Variants in RPS6KA2 observed in about 807,000 individuals in gnomAD.
RPS6KA2 encodes ribosomal protein S6 kinase alpha-2.
In RPS6KA2, 42 loss-of-function variants were observed where a neutral mutation model predicts 91.8. That is an observed-to-expected ratio of 0.46 (90% CI 0.36 to 0.59). The LOEUF is 0.59. Ranked by LOEUF, RPS6KA2 falls within the 20% of genes least tolerant of loss-of-function variation. The pLI is 0.00. For synonymous variants in RPS6KA2, 414 were observed against 393.6 expected, an observed-to-expected ratio of 1.05 and a Z score of -0.61; for missense variants, 798 against 978.5, an observed-to-expected ratio of 0.82 and a Z score of 2.46.
At chr6:166,710,127 T>A (rs1789799778) in intron 2 of RPS6KA2, among the ~76,000 whole-genome samples, 1 of 152,224 alleles carries the variant, frequency 6.6e-6, no homozygotes, top group Non-Finnish European at 1.5e-5. Flanking sequence ...ACAAATCTCA[T>A]AGTTTACCTT....
At chr6:166,704,318 A>G (rs1789615609) in intron 2 of RPS6KA2, among the ~76,000 whole-genome samples, 1 of 152,198 alleles carries the variant, frequency 6.6e-6, no homozygotes, top group Non-Finnish European at 1.5e-5. Context: ...CCACCCACAC[A>G]CCTGGCCCAA....
Position 166,614,073 on chromosome 6 carries a change from CCA to C in RPS6KA2, c.99+12846_99+12847del, listed in dbSNP as rs1358498508. On this transcript the variant is annotated intron_variant, in intron 1 of 20. Transcript: ENST00000265678. Reference sequence around the variant, plus strand: ...CCACATCTCCCCCAGAAACTCTGCCCCACACCCTCTAGGGGCCAATCACCTCT... The same window carrying C: ...CCACATCTCCCCCAGAAACTCTGCCCCACCCTCTAGGGGCCAATCACCTCT... Among the ~76,000 whole-genome samples the C allele has an allele frequency of 2.0e-5, 3 of 152,328 alleles. No individual in the cohort carries two copies. In the South Asian group the frequency reaches 6.2e-4, roughly 32 times the overall value.
chr6:166,746,357 T>C (rs910096692), intron 2 of RPS6KA2, among the ~76,000 whole-genome samples: 2 of 152,230 alleles, frequency 1.3e-5, no homozygotes, highest in Non-Finnish European at 2.9e-5. Flanking sequence ...TGTGTTTTCC[T>C]GTTCTCACAC....
At chr6:166,511,505 T>C (rs1782479278) in intron 3 of RPS6KA2, among the ~76,000 whole-genome samples, 1 of 152,208 alleles carries the variant, frequency 6.6e-6, no homozygotes, top group Admixed American at 6.5e-5. Context: ...TGTAATTAGT[T>C]TTGATGCAGA....
intron 10 of RPS6KA2, among the ~76,000 whole-genome samples, chr6:166,473,737 A>G (rs534056723): frequency 2.0e-5 from 3 of 152,198 alleles, no homozygotes; most frequent in African/African-American, 7.2e-5. Context: ...ACACAAACCC[A>G]TCTCCGACAC....
chr6:166,808,415 T>A (rs945150543), intron 2 of RPS6KA2, among the ~76,000 whole-genome samples: 4 of 152,208 alleles, frequency 2.6e-5, no homozygotes, highest in Admixed American at 6.5e-5. Context: ...GTACAATTGA[T>A]TATTATTACT....
At chr6:166,479,750 C>A (rs191728531) in intron 10 of RPS6KA2, among the ~76,000 whole-genome samples, 1 of 152,352 alleles carries the variant, frequency 6.6e-6, no homozygotes, top group East Asian at 1.9e-4. Context: ...CCCCTTCTGC[C>A]CGTCCCTCCG....
intron 2 of RPS6KA2, among the ~76,000 whole-genome samples, chr6:166,714,960 C>T (rs1484784736): frequency 2.0e-5 from 3 of 152,246 alleles, no homozygotes; most frequent in African/African-American, 7.2e-5. Flanking sequence ...CTGTACTGGG[C>T]ACCCTCCCTT....
At chr6:166,768,621 GGA>G (rs1429112699) in intron 2 of RPS6KA2, among the ~76,000 whole-genome samples, 1 of 152,038 alleles carries the variant, frequency 6.6e-6, no homozygotes, top group Non-Finnish European at 1.5e-5. Flanking sequence ...GAGTAGGGAG[GGA>G]GAGAGAGAGG....
rs1158529700 is a variant in RPS6KA2 at position 166,821,259 on chromosome 6, A to G, written c.123+36941T>C. 6.6e-6 allele frequency among the ~76,000 whole-genome samples: 1 copy of G among 152,080 alleles called. No individual in the cohort carries two copies. Among genetic ancestry groups the G allele is most frequent in the African/African-American group, 2.4e-5 (1 of 41,410 alleles). On this transcript the variant is annotated intron_variant, in intron 2 of 21. Transcript: ENST00000503859. This position sits in a 1 kb window ranked among gnomAD's most constrained non-coding sequence, Gnocchi z 4.1. ...ATAGAGGTGATCGGGTAACACCGAG[A>G]CAAGGATTTCTCTTTCTTTCCAGCA...
intron 2 of RPS6KA2, among the ~76,000 whole-genome samples, chr6:166,695,353 G>A (rs1789326444): frequency 6.6e-6 from 1 of 152,236 alleles, no homozygotes; most frequent in Admixed American, 6.5e-5. Flanking sequence ...CCCGGAGCCA[G>A]AGAAAAGCGC....
rs1192449700 is a variant in RPS6KA2, at chr6:166,409,409, A to T, written c.*3353T>A. ...GATTACACTTCATAAAACCATGTTTATTCAAAAAAATCTATTCAGAAAGTC... is the reference window on the plus strand; with the variant it reads ...GATTACACTTCATAAAACCATGTTTTTTCAAAAAAATCTATTCAGAAAGTC... On this transcript the variant is annotated 3_prime_UTR_variant, in exon 21 of 21. Coordinates refer to ENST00000265678, the MANE Select transcript of RPS6KA2 (RefSeq NM_021135.6). 1.3e-5 allele frequency: 2 copies of T among 152,312 alleles called. No homozygotes were observed. Among genetic ancestry groups the T allele is most frequent in the African/African-American group, 2.4e-5 (1 of 41,464 alleles). 9.4% of individuals were successfully genotyped at this position (152,312 alleles called of 1,614,324 possible). A position where few individuals can be genotyped will look rare whatever the true frequency, so the allele number is the denominator to read the frequency against.
chr6:166,566,450 C>T (rs1442639775), intron 1 of RPS6KA2, among the ~76,000 whole-genome samples: 1 of 152,232 alleles, frequency 6.6e-6, no homozygotes, highest in Non-Finnish European at 1.5e-5. Flanking sequence ...GTTGGTGCCA[C>T]AGGTCTGCCC....
chr6:166,760,824 C>T (rs781265857), intron 2 of RPS6KA2, among the ~76,000 whole-genome samples: 22 of 152,196 alleles, frequency 1.4e-4, no homozygotes, highest in Non-Finnish European at 3.1e-4. Flanking sequence ...TCTGTATTTA[C>T]AGTTATCCTA....
intron 8 of RPS6KA2, among the ~76,000 whole-genome samples, chr6:166,496,796 G>C (rs560677819): frequency 9.9e-5 from 15 of 152,254 alleles, no homozygotes; most frequent in African/African-American, 3.4e-4. Flanking sequence ...CCTGCTCTCT[G>C]GGGGAATTTG....
intron 19 of RPS6KA2, among the ~76,000 whole-genome samples, chr6:166,415,321 C>CTCTTTTAAT (rs1778462112): frequency 6.6e-6 from 1 of 152,138 alleles, no homozygotes; most frequent in African/African-American, 2.4e-5. Context: ...ACTCTTTTCA[C>CTCTTTTAAT]GATCTTATAG....
intron 1 of RPS6KA2, among the ~76,000 whole-genome samples, chr6:166,600,287 G>A (rs1021847653): frequency 7.9e-5 from 12 of 152,202 alleles, no homozygotes; most frequent in Admixed American, 1.3e-4. Context: ...TGACAGGCAC[G>A]AGCCATCATG....
intron 2 of RPS6KA2, among the ~76,000 whole-genome samples, chr6:166,836,501 T>C (rs1295165178): frequency 2.6e-5 from 4 of 152,020 alleles, no homozygotes; most frequent in Non-Finnish European, 5.9e-5. Context: ...TTTTTTCCAC[T>C]TCTGTGCCCA....
intron 1 of RPS6KA2, among the ~76,000 whole-genome samples, chr6:166,574,909 A>G (rs1322934420): frequency 2.0e-5 from 3 of 152,232 alleles, no homozygotes; most frequent in Non-Finnish European, 4.4e-5. Flanking sequence ...ACTTAGTAAG[A>G]CACCAAGAAC....
Sources: allele counts gnomAD v4.1 joint callset (sites outside exome capture counted in the v4.1 genomes callset), GRCh38; gene constraint gnomAD v4.1.1; non-coding constraint Gnocchi (gnomAD v3.1); transcripts MANE v1.5; gene names NCBI Gene and HGNC (gene_info 2026-07-23, HGNC 2026-07-21).